ABLIM1: variants seen among roughly 807,000 people sequenced by gnomAD.
The protein encoded by ABLIM1 is actin-binding LIM protein 1.
Under a neutral mutation model 107.0 loss-of-function variants are expected in ABLIM1, and 40 were observed. That is an observed-to-expected ratio of 0.37 (90% CI 0.29 to 0.49). ABLIM1 has a LOEUF of 0.49. Ranked by LOEUF, ABLIM1 falls within the 20% of genes least tolerant of loss-of-function variation. The pLI, the probability that ABLIM1 is intolerant of heterozygous loss-of-function variation, is 0.97. For missense variants in ABLIM1, 857 were observed against 1,008.5 expected, an observed-to-expected ratio of 0.85 and a Z score of 2.04; for synonymous variants, 357 against 357.3, an observed-to-expected ratio of 1.00 and a Z score of 0.01.
rs71473045 is a variant in ABLIM1 at position 114,491,012 on chromosome 10, G to GTATATATATATATATATATA, written c.982+778_982+779insTATATATATATATATATATA. On this transcript the variant is annotated intron_variant, in intron 7 of 22. Coordinates refer to ENST00000533213, the MANE Select transcript of ABLIM1 (RefSeq NM_002313.7). Reference sequence around the variant, plus strand: ...TGTGTGTGTGTGTGTGTGTGTGTGTGTATATATATATATGGTCTATTTTAT... The same window carrying GTATATATATATATATATATA: ...TGTGTGTGTGTGTGTGTGTGTGTGTGTATATATATATATATATATATATATATATATATGGTCTATTTTAT... Among the ~76,000 whole-genome samples, 14 of 92,340 alleles carry GTATATATATATATATATATA rather than the reference G, an allele frequency of 1.5e-4. No individual in the cohort carries two copies. The East Asian group carries it at 1.5e-3, about 10-fold the overall frequency. The allele number at this position is 92,340 out of a possible 152,430, so 60.6% of individuals were successfully genotyped here. A position where few individuals can be genotyped will look rare whatever the true frequency, so the allele number is the denominator to read the frequency against.
rs2475236 is a variant in ABLIM1, at chr10:114,520,282, G to A, written c.894+24723C>T. ...TCTGATCTTGGCCTTCTGTTCTGCAGTGGAACATCCTGGGGCCAATCAACC... is the reference window on the plus strand; with the variant it reads ...TCTGATCTTGGCCTTCTGTTCTGCAATGGAACATCCTGGGGCCAATCAACC... On this transcript the variant is annotated intron_variant, in intron 6 of 22. Transcript: ENST00000533213. Among the ~76,000 whole-genome samples the A allele has an allele frequency of 2.5e-3, 385 of 152,326 alleles. 3 individuals carry two copies. Among genetic ancestry groups the A allele is most frequent in the African/African-American group, 9.0e-3 (374 of 41,566 alleles).
chr10:114,439,900 G>T, intron 20 of ABLIM1, 182 bp downstream of exon 20: 1 of 1,039,286 alleles, frequency 9.6e-7, no homozygotes, highest in Non-Finnish European at 1.4e-6. Flanking sequence ...AAGGCCTGCA[G>T]GGACAGCTTG....
intron 1 of ABLIM1, among the ~76,000 whole-genome samples, chr10:114,646,803 G>A (rs2079029881): frequency 6.6e-6 from 1 of 152,118 alleles, no homozygotes; most frequent in Admixed American, 6.5e-5. Context: ...CAGGAAATGT[G>A]TTGGATCCTG....
the ABLIM1 span, among the ~76,000 whole-genome samples, chr10:114,798,566 C>CCCT: frequency 2.1e-5 from 3 of 146,002 alleles, no homozygotes; most frequent in Non-Finnish European, 4.6e-5. Flanking sequence ...ACCCCCCCCC[C>CCCT]ATGTCTACAA....
chr10:114,443,206 G>A (rs1293042907), intron 17 of ABLIM1, among the ~76,000 whole-genome samples: 1 of 152,178 alleles, frequency 6.6e-6, no homozygotes, highest in African/African-American at 2.4e-5. Flanking sequence ...ATGACAAATA[G>A]ATACAGGGGA....
the ABLIM1 span, among the ~76,000 whole-genome samples, chr10:114,790,039 T>G: frequency 5.9e-5 from 9 of 152,354 alleles, 1 homozygote; most frequent in African/African-American, 2.2e-4. Flanking sequence ...GCAATCCACC[T>G]GCCTTGGCCT....
chr10:114,463,000 A>T (rs752285560), intron 12 of ABLIM1: 1 of 1,306,072 alleles, frequency 7.7e-7, no homozygotes, highest in Non-Finnish European at 1.0e-6. Flanking sequence ...GTGCTAATAA[A>T]TCTCCACTAT....
intron 14 of ABLIM1, among the ~76,000 whole-genome samples, chr10:114,451,149 A>G (rs1288971408): frequency 1.3e-5 from 2 of 151,836 alleles, no homozygotes; most frequent in Admixed American, 1.3e-4. Flanking sequence ...TATCCTGTCC[A>G]CTCCACTGTG....
chr10:114,722,038 T>C (rs1240675225), intron 1 of ABLIM1, among the ~76,000 whole-genome samples: 1 of 152,178 alleles, frequency 6.6e-6, no homozygotes, highest in Non-Finnish European at 1.5e-5. Flanking sequence ...ATGAAGACAA[T>C]TTTACTTCTT....
Position 114,613,803 on chromosome 10 carries a change from G to C in ABLIM1, c.245-11842C>G, listed in dbSNP as rs1045339447. The C allele has an allele frequency of 4.9e-6, 6 of 1,219,188 alleles. No homozygotes were observed. The African/African-American group carries it at 9.4e-5, about 19-fold the overall frequency. 75.5% of individuals were successfully genotyped at this position (1,219,188 alleles called of 1,614,324 possible). On this transcript the variant is annotated intron_variant, in intron 1 of 22. Transcript: ENST00000533213. ...ACACCTAGGCTCCTGACTCCTCCCA[G>C]ACCTGAACTTCAGGCTCCTTCAAGC...
chr10:114,455,627 T>C (rs1482541381), intron 12 of ABLIM1, among the ~76,000 whole-genome samples: 1 of 152,138 alleles, frequency 6.6e-6, no homozygotes, highest in African/African-American at 2.4e-5. Flanking sequence ...CAGGAGTAAG[T>C]GCTTAATAAA....
chr10:114,684,313 T>G, exon 1 of ABLIM1: 1 of 1,614,176 alleles, frequency 6.2e-7, no homozygotes, highest in Non-Finnish European at 8.5e-7. Flanking sequence ...CATGGTGTGA[T>G]GAGGGTCCGT....
At chr10:114,692,277 T>G (rs2081095987) in intron 1 of ABLIM1, among the ~76,000 whole-genome samples, 1 of 152,234 alleles carries the variant, frequency 6.6e-6, no homozygotes, top group Admixed American at 6.5e-5. Flanking sequence ...AGTGAACTAA[T>G]TATTCCAAAG....
chr10:114,613,839 C>T, intron 1 of ABLIM1: 1 of 856,090 alleles, frequency 1.2e-6, no homozygotes, highest in Non-Finnish European at 1.6e-6. Context: ...TCTCTTATGA[C>T]CTAATTTTGC....
At chr10:114,634,188 A>G in intron 1 of ABLIM1, among the ~76,000 whole-genome samples, 1 of 111,376 alleles carries the variant, frequency 9.0e-6, no homozygotes, top group Non-Finnish European at 1.7e-5. Context: ...GCTGGAGTGC[A>G]GTGGCGCGAT....
rs977069281 is a variant in ABLIM1 at position 114,435,344 on chromosome 10, T to G, written c.*916A>C. Reference sequence around the variant, plus strand: ...TAGAGTCAGTAGGACATGGGACTTGTTTTTGTTTTTTGCTTTTTGGTTTTT... The same window carrying G: ...TAGAGTCAGTAGGACATGGGACTTGGTTTTGTTTTTTGCTTTTTGGTTTTT... On this transcript the variant is annotated 3_prime_UTR_variant, in exon 23 of 23. Coordinates refer to ENST00000533213, the MANE Select transcript of ABLIM1 (RefSeq NM_002313.7). The G allele has an allele frequency of 6.6e-6, 1 of 152,186 alleles. No homozygotes were observed. Among genetic ancestry groups the G allele is most frequent in the Non-Finnish European group, 1.5e-5 (1 of 68,046 alleles). 9.4% of individuals were successfully genotyped at this position (152,186 alleles called of 1,614,324 possible).
At chr10:114,464,159 C>A (rs980041865) in intron 12 of ABLIM1, among the ~76,000 whole-genome samples, 27 of 151,596 alleles carry the variant, frequency 1.8e-4, no homozygotes, top group Admixed American at 1.6e-3. Context: ...AGCATATGTA[C>A]ATGAGCAGGG....
chr10:114,696,337 C>T (rs61669564), intron 1 of ABLIM1, among the ~76,000 whole-genome samples: 19,434 of 152,098 alleles, frequency 0.13, 2,155 homozygotes, highest in African/African-American at 0.3. Flanking sequence ...TCTTCTAAGC[C>T]CTCTCTTCTT....
intron 12 of ABLIM1, among the ~76,000 whole-genome samples, chr10:114,459,842 A>T (rs1188938502): frequency 6.6e-6 from 1 of 152,204 alleles, no homozygotes; most frequent in Non-Finnish European, 1.5e-5. Context: ...TATCATTTAA[A>T]TCCAGAACAC....
Sources: gnomAD v4.1 joint callset for allele counts (sites outside exome capture counted in the v4.1 genomes callset) on GRCh38, gnomAD v4.1.1 for gene constraint, MANE v1.5 for transcripts, NCBI Gene and HGNC (gene_info 2026-07-23, HGNC 2026-07-21) for gene names.